B3GALT1: variants seen among roughly 807,000 people sequenced by gnomAD.
The protein encoded by B3GALT1 is beta-1,3-galactosyltransferase 1.
Under a neutral mutation model 23.2 loss-of-function variants are expected in B3GALT1, and 10 were observed. That is an observed-to-expected ratio of 0.43 (90% CI 0.27 to 0.73). The LOEUF is 0.73. Ranked by LOEUF, B3GALT1 falls within the 30% of genes least tolerant of loss-of-function variation. The pLI is 0.21. For synonymous variants in B3GALT1, 156 were observed against 141.5 expected (o/e 1.10, Z -0.73); for missense variants, 299 against 405.4 (o/e 0.74, Z 2.25).
rs536951112 is a variant in B3GALT1, at chr2:167,870,722, C to G, written c.*702C>G. Reference sequence around the variant, plus strand: ...AAAGATTTTTTTTTTCTTTTTTTTTCTTTCTTTTTTGTTTTGCTCTTTCAG... The same window carrying G: ...AAAGATTTTTTTTTTCTTTTTTTTTGTTTCTTTTTTGTTTTGCTCTTTCAG... On this transcript the variant is annotated 3_prime_UTR_variant, in exon 5 of 5. Transcript: ENST00000392690. The G allele has an allele frequency of 6.2e-6, 1 of 160,770 alleles. No individual in the cohort carries two copies. 10.0% of individuals were successfully genotyped at this position (160,770 alleles called of 1,614,324 possible). A position where few individuals can be genotyped will look rare whatever the true frequency, so the allele number is the denominator to read the frequency against.
intron 3 of B3GALT1, among the ~76,000 whole-genome samples, chr2:167,675,118 G>T (rs898820236): frequency 6.6e-6 from 1 of 152,158 alleles, no homozygotes; most frequent in Non-Finnish European, 1.5e-5. Flanking sequence ...ACACACAGGG[G>T]TCTTCTTGCT....
chr2:167,756,255 G>A (rs926744651), intron 3 of B3GALT1, among the ~76,000 whole-genome samples: 12 of 151,970 alleles, frequency 7.9e-5, no homozygotes, highest in Admixed American at 7.2e-4. Flanking sequence ...AAGGTTATGC[G>A]TTAGGTTTTG....
chr2:167,655,757 G>A (rs1685945306), intron 3 of B3GALT1, among the ~76,000 whole-genome samples: 1 of 151,980 alleles, frequency 6.6e-6, no homozygotes, highest in Admixed American at 6.6e-5. Flanking sequence ...TTATTCATAT[G>A]CCTTATTAAA....
intron 3 of B3GALT1, among the ~76,000 whole-genome samples, chr2:167,788,319 T>C (rs989673354): frequency 3.3e-5 from 5 of 152,010 alleles, no homozygotes; most frequent in African/African-American, 4.8e-5. Flanking sequence ...CACATTACAC[T>C]TATTGTGCAC....
intron 3 of B3GALT1, among the ~76,000 whole-genome samples, chr2:167,691,998 G>A (rs1448844): frequency 0.94 from 143,807 of 152,232 alleles, 68,485 homozygotes; most frequent in East Asian, 1. Context: ...ATTCATGTAC[G>A]TATTAGTTGG....
chr2:167,485,688 T>C (rs941903051), intron 1 of B3GALT1, among the ~76,000 whole-genome samples: 2 of 152,216 alleles, frequency 1.3e-5, no homozygotes, highest in Non-Finnish European at 2.9e-5. Flanking sequence ...GAGCTAAATA[T>C]ATGCTTTTGA....
chr2:167,808,444 G>T (rs1357150496), intron 3 of B3GALT1, among the ~76,000 whole-genome samples: 1 of 147,492 alleles, frequency 6.8e-6, no homozygotes, highest in Admixed American at 6.7e-5. Flanking sequence ...CTGGTACTTA[G>T]TTCTTCCTTC....
rs536838586 is a variant in B3GALT1 at position 167,676,548 on chromosome 2, CACACACAT to C, written c.-352+29584_-352+29591del. ...ACACACACACACACACACACACACACACACACATATATATGTGTATGCATTTCTTTTGA... is the reference window on the plus strand; with the variant it reads ...ACACACACACACACACACACACACACATATATGTGTATGCATTTCTTTTGA... On this transcript the variant is annotated intron_variant, in intron 3 of 4. Coordinates refer to ENST00000392690, the MANE Select transcript of B3GALT1 (RefSeq NM_020981.4). Among the ~76,000 whole-genome samples, 352 of 139,706 alleles carry C rather than the reference CACACACAT, an allele frequency of 2.5e-3. 2 individuals carry two copies. The highest frequency in any genetic ancestry group is 9.9e-3 in the African/African-American group (310 of 31,264). 91.7% of individuals were successfully genotyped at this position (139,706 alleles called of 152,430 possible).
intron 3 of B3GALT1, among the ~76,000 whole-genome samples, chr2:167,805,636 G>A (rs2105345595): frequency 6.6e-6 from 1 of 152,296 alleles, no homozygotes; most frequent in South Asian, 2.1e-4. Flanking sequence ...TCAGATGGTT[G>A]TAGATACGTG....
At position 167,824,505 on chromosome 2, in the gene B3GALT1, A is replaced by G. The variant is rs192288097; in HGVS notation, c.-230+5712A>G. Among the ~76,000 whole-genome samples the G allele has an allele frequency of 9.8e-4, 150 of 152,334 alleles. 1 individual carries two copies. The highest frequency in any genetic ancestry group is 3.5e-3 in the African/African-American group (145 of 41,572). ...GAAGTGACATTGGCAGGATGTGGTG[A>G]TGGATTAGGTACAGAGTTAAGAGGT... On this transcript the variant is annotated intron_variant, in intron 4 of 4. Transcript: ENST00000392690.
intron 2 of B3GALT1, among the ~76,000 whole-genome samples, chr2:167,509,290 T>C (rs1265235216): frequency 6.6e-6 from 1 of 152,128 alleles, no homozygotes; most frequent in Non-Finnish European, 1.5e-5. Context: ...AAATATCAAA[T>C]GAAATGACAC....
intron 1 of B3GALT1, among the ~76,000 whole-genome samples, chr2:167,387,468 T>A (rs1697946940): frequency 6.6e-6 from 1 of 152,158 alleles, no homozygotes; most frequent in African/African-American, 2.4e-5. Flanking sequence ...TACATTCAAC[T>A]GCAAAATATC....
intron 3 of B3GALT1, among the ~76,000 whole-genome samples, chr2:167,667,571 G>A (rs896284325): frequency 3.6e-4 from 55 of 152,262 alleles, no homozygotes; most frequent in African/African-American, 1.1e-3. Context: ...CATTCTTCCC[G>A]TCACTTTGAG....
At chr2:167,856,578 A>G (rs1460269827) in intron 4 of B3GALT1, among the ~76,000 whole-genome samples, 1 of 152,182 alleles carries the variant, frequency 6.6e-6, no homozygotes, top group East Asian at 1.9e-4. Context: ...ATGAGGGTGC[A>G]GTCAGAAGGA....
intron 3 of B3GALT1, among the ~76,000 whole-genome samples, chr2:167,678,160 C>G (rs376526397): frequency 2.0e-5 from 3 of 152,128 alleles, no homozygotes; most frequent in African/African-American, 7.2e-5. Flanking sequence ...CCTTCATATC[C>G]CTAGATAATT....
intron 3 of B3GALT1, among the ~76,000 whole-genome samples, chr2:167,798,380 AT>A (rs1243758351): frequency 6.6e-6 from 1 of 152,006 alleles, no homozygotes; most frequent in Non-Finnish European, 1.5e-5. Flanking sequence ...CCTGAATGGT[AT>A]TGCCTAGGCT....
chr2:167,762,588 A>T (rs988752073), intron 3 of B3GALT1, among the ~76,000 whole-genome samples: 2 of 151,970 alleles, frequency 1.3e-5, no homozygotes, highest in African/African-American at 4.8e-5. Flanking sequence ...AATAAAAAAA[A>T]AAAAAAAACA....
intron 1 of B3GALT1, among the ~76,000 whole-genome samples, chr2:167,378,328 C>T (rs1260362043): frequency 6.6e-6 from 1 of 151,954 alleles, no homozygotes; most frequent in Non-Finnish European, 1.5e-5. Context: ...TGTAGTATCT[C>T]GCAGGTGTTC....
At chr2:167,819,541 C>T (rs1689063495) in intron 4 of B3GALT1, among the ~76,000 whole-genome samples, 1 of 152,202 alleles carries the variant, frequency 6.6e-6, no homozygotes, top group East Asian at 1.9e-4. Flanking sequence ...ACCATGCTGG[C>T]AAGAGGTCAC....
Sources: gnomAD v4.1 joint callset for allele counts (sites outside exome capture counted in the v4.1 genomes callset) on GRCh38, gnomAD v4.1.1 for gene constraint, MANE v1.5 for transcripts, NCBI Gene and HGNC (gene_info 2026-07-23, HGNC 2026-07-21) for gene names.